Variants in MYO16 observed in about 807,000 individuals in gnomAD.
MYO16 encodes the protein myosin XVI.
Under a neutral mutation model 205.3 loss-of-function variants are expected in MYO16, and 94 were observed. That is an observed-to-expected ratio of 0.46 (90% CI 0.39 to 0.54). The LOEUF (loss-of-function observed/expected upper bound fraction) is 0.54, where lower values mean the gene tolerates loss of function less well. MYO16 is among the 20% of genes least tolerant of loss of function. The probability of loss-of-function intolerance (pLI) is 0.00; values close to 1 mark genes in which losing one functional copy is unlikely to be tolerated. For missense variants in MYO16, 2,315 were observed against 2,387.5 expected, an observed-to-expected ratio of 0.97 and a Z score of 0.63; for synonymous variants, 988 against 954.0, an observed-to-expected ratio of 1.04 and a Z score of -0.66.
intron 28 of MYO16, among the ~76,000 whole-genome samples, chr13:109,112,098 T>C (rs1265567781): frequency 2.0e-5 from 3 of 152,164 alleles, no homozygotes; most frequent in Non-Finnish European, 4.4e-5. Flanking sequence ...GTACAATATA[T>C]AAAGAAGGTT....
chr13:108,986,890 C>G (rs1455366661), intron 20 of MYO16, among the ~76,000 whole-genome samples: 3 of 152,170 alleles, frequency 2.0e-5, no homozygotes, highest in Non-Finnish European at 4.4e-5. Context: ...ACAGGCCCTA[C>G]AGCTAGATGG....
chr13:108,594,015 A>G (rs181987360), upstream of MYO16, among the ~76,000 whole-genome samples: 602 of 152,296 alleles, frequency 4.0e-3, 15 homozygotes, highest in South Asian at 0.076. Flanking sequence ...TGATGGAACA[A>G]GACCCCTCTG....
intron 33 of MYO16, among the ~76,000 whole-genome samples, chr13:109,173,393 G>T (rs1290721012): frequency 6.6e-6 from 1 of 152,150 alleles, no homozygotes; most frequent in Non-Finnish European, 1.5e-5. Context: ...TGAGTCTGGT[G>T]GGCTGGGATT....
chr13:109,011,501 T>TC (rs1239879430), intron 22 of MYO16, among the ~76,000 whole-genome samples: 2 of 150,376 alleles, frequency 1.3e-5, no homozygotes, highest in Non-Finnish European at 3.0e-5. Flanking sequence ...TTCCTTTCTT[T>TC]TTTTTTTTTG....
At chr13:108,599,106 C>T (rs144212510) in intron 1 of MYO16, among the ~76,000 whole-genome samples, 2,294 of 150,224 alleles carry the variant, frequency 0.015, 46 homozygotes, top group South Asian at 0.086. Context: ...GTTTTTTGTC[C>T]TTGCGATAGT....
At chr13:108,746,484 C>T (rs1005612450) in intron 4 of MYO16, among the ~76,000 whole-genome samples, 2 of 151,816 alleles carry the variant, frequency 1.3e-5, no homozygotes, top group Admixed American at 1.3e-4. Flanking sequence ...CTGTAATTTA[C>T]AGTAATCTAT....
At chr13:108,695,640 A>C (rs941084452) in intron 2 of MYO16, among the ~76,000 whole-genome samples, 12 of 152,154 alleles carry the variant, frequency 7.9e-5, no homozygotes, top group African/African-American at 2.4e-4. Context: ...TTGTAGGTCA[A>C]TTTACCAAAA....
chr13:108,584,201 C>T, the MYO16 span, among the ~76,000 whole-genome samples: 1 of 152,182 alleles, frequency 6.6e-6, no homozygotes, highest in African/African-American at 2.4e-5. Flanking sequence ...GATCCACCTG[C>T]CTCAGCCTCC....
intron 27 of MYO16, among the ~76,000 whole-genome samples, chr13:109,069,428 T>C (rs774049359): frequency 1.9e-4 from 29 of 152,302 alleles, no homozygotes; most frequent in Admixed American, 5.2e-4. Context: ...TAGTCTGAGC[T>C]GTCAATCATT....
intron 4 of MYO16, among the ~76,000 whole-genome samples, chr13:108,771,958 C>T (rs1039544100): frequency 2.8e-4 from 43 of 152,284 alleles, no homozygotes; most frequent in Non-Finnish European, 1.2e-4. Context: ...ACACAGACAT[C>T]TGTGTGTAGG....
At chr13:108,886,585 C>T (rs140978885) in intron 13 of MYO16, 45 of 434,492 alleles carry the variant, frequency 1.0e-4, no homozygotes, top group Middle Eastern at 6.6e-4. Flanking sequence ...AAACTGCTGG[C>T]GGCTCCACCC....
At chr13:108,614,140 A>G (rs1005714163) in intron 1 of MYO16, among the ~76,000 whole-genome samples, 1 of 152,170 alleles carries the variant, frequency 6.6e-6, no homozygotes, top group African/African-American at 2.4e-5. Context: ...ACAGGATACA[A>G]TATCCACAAA....
rs1887380758 is a variant in MYO16 at position 109,055,309 on chromosome 13, G to A, written c.3130-81G>A. ...GCATAATGAGATTTAAAGACGTAAA[G>A]ACTTTTTATTTAAAAACTGCTTTAT... is the stretch of plus-strand genomic sequence containing the variant. On this transcript the variant is annotated intron_variant, in intron 26 of 34. Coordinates refer to ENST00000457511, the MANE Select transcript of MYO16 (RefSeq NM_001198950.3). This position sits in a 1 kb window ranked among gnomAD's most constrained non-coding sequence, Gnocchi z 5.0. 9 of 1,213,270 alleles carry A rather than the reference G, an allele frequency of 7.4e-6. No homozygotes were observed. In the Admixed American group the frequency reaches 1.6e-4, roughly 22 times the overall value. The allele number at this position is 1,213,270 out of a possible 1,614,324, so 75.2% of individuals were successfully genotyped here. A position where few individuals can be genotyped will look rare whatever the true frequency, so the allele number is the denominator to read the frequency against.
chr13:108,676,693 T>G (rs1882227383), intron 2 of MYO16, among the ~76,000 whole-genome samples: 1 of 152,164 alleles, frequency 6.6e-6, no homozygotes, highest in South Asian at 2.1e-4. Flanking sequence ...TGAGTGACAC[T>G]GCTGCAAGTT....
At chr13:108,738,393 C>T (rs940455810) in intron 4 of MYO16, among the ~76,000 whole-genome samples, 31 of 135,610 alleles carry the variant, frequency 2.3e-4, no homozygotes, top group Non-Finnish European at 3.2e-4. Context: ...TCGTTATGTA[C>T]CCAGTAGTCA....
At chr13:108,672,881 A>G (rs1882048874) in intron 2 of MYO16, among the ~76,000 whole-genome samples, 1 of 152,200 alleles carries the variant, frequency 6.6e-6, no homozygotes, top group African/African-American at 2.4e-5. Context: ...GCCACTCCCA[A>G]ATATTGCTTC....
At chr13:109,115,237 C>A (rs1345254674) in intron 28 of MYO16, among the ~76,000 whole-genome samples, 2 of 90,678 alleles carry the variant, frequency 2.2e-5, no homozygotes, top group Non-Finnish European at 4.0e-5. Context: ...ACAGCCTACA[C>A]CTCTCAAAAA....
chr13:108,579,441 A>ATT, the MYO16 span, among the ~76,000 whole-genome samples: 1,498 of 139,472 alleles, frequency 0.011, 21 homozygotes, highest in South Asian at 0.026. Context: ...AAAGGCAAGA[A>ATT]TTTTTTTTTT....
At chr13:109,083,559 T>TA (rs916518153) in intron 27 of MYO16, among the ~76,000 whole-genome samples, 1 of 151,924 alleles carries the variant, frequency 6.6e-6, no homozygotes, top group Non-Finnish European at 1.5e-5. Flanking sequence ...GTCAAGAACT[T>TA]ACGAAACATA....
Sources: allele counts gnomAD v4.1 joint callset (sites outside exome capture counted in the v4.1 genomes callset), GRCh38; gene constraint gnomAD v4.1.1; non-coding constraint Gnocchi (gnomAD v3.1); transcripts MANE v1.5; gene names NCBI Gene and HGNC (gene_info 2026-07-23, HGNC 2026-07-21).